The following CDC14B variants were observed in gnomAD, a reference collection of about 807,000 sequenced individuals.
CDC14B encodes dual specificity protein phosphatase CDC14B.
CDC14B carries 22 observed loss-of-function variants against 64.2 expected under a neutral mutation model. The ratio of observed to expected loss-of-function variants is 0.34; its 90% CI spans 0.24 to 0.49. The LOEUF (loss-of-function observed/expected upper bound fraction) is 0.49. CDC14B is among the 20% of genes least tolerant of loss of function. The probability of loss-of-function intolerance (pLI) is 0.99; values close to 1 mark genes in which losing one functional copy is unlikely to be tolerated. For synonymous variants in CDC14B, 191 were observed against 215.8 expected (o/e 0.89, Z 1.01); for missense variants, 498 against 629.9 (o/e 0.79, Z 2.24).
chr9:96,612,028 A>C (rs554294990), intron 1 of CDC14B, among the ~76,000 whole-genome samples: 33 of 152,368 alleles, frequency 2.2e-4, no homozygotes, highest in African/African-American at 7.9e-4. Context: ...TATAATAAAA[A>C]TACATAACAA....
At chr9:96,520,004 TAAC>T (rs1836430688) in intron 12 of CDC14B, among the ~76,000 whole-genome samples, 1 of 152,136 alleles carries the variant, frequency 6.6e-6, no homozygotes, top group Non-Finnish European at 1.5e-5. Flanking sequence ...ATTCCTAAAA[TAAC>T]AACATAGACA....
In CDC14B at chr9:96,604,452, C is replaced by T. The variant is rs904259422; in HGVS notation, c.160+14767G>A. Among the ~76,000 whole-genome samples the T allele has an allele frequency of 7.3e-5, 11 of 150,884 alleles. 1 individual carries two copies. Among genetic ancestry groups the T allele is most frequent in the Non-Finnish European group, 1.3e-4 (9 of 67,792 alleles). On this transcript the variant is annotated intron_variant, in intron 1 of 13. Coordinates refer to ENST00000375241, the MANE Select transcript of CDC14B (RefSeq NM_033331.4). ...CTGGAGTGCAATGGTGCCATCTTGG[C>T]TCACCACAACCTCCGCCTCCCGGGA...
chr9:96,517,025 C>G lies in CDC14B; in HGVS notation c.1343+5481G>C, dbSNP rs569685250. ...CTGGTCTTGAACTCCTGACCTCACC[C>G]TGCCTCTTTTTTATTTTTAAGAAAC... On this transcript the variant is annotated intron_variant, in intron 12 of 13. Coordinates refer to ENST00000375241, the MANE Select transcript of CDC14B (RefSeq NM_033331.4). Among the ~76,000 whole-genome samples, 4 of 151,890 alleles carry G rather than the reference C, an allele frequency of 2.6e-5. No homozygotes were observed. In the South Asian group the frequency reaches 8.3e-4, roughly 32 times the overall value.
chr9:96,559,084 T>C (rs1587963857), intron 4 of CDC14B, among the ~76,000 whole-genome samples: 1 of 152,234 alleles, frequency 6.6e-6, no homozygotes. Flanking sequence ...AAAAGACCAA[T>C]TGTGGGCATG....
intron 13 of CDC14B, among the ~76,000 whole-genome samples, chr9:96,495,035 C>G (rs1340983563): frequency 6.6e-6 from 1 of 151,770 alleles, no homozygotes. Context: ...GGGGTTTCAC[C>G]GTGTTAGCCA....
chr9:96,549,616 G>C (rs866312942), intron 5 of CDC14B, among the ~76,000 whole-genome samples: 6 of 151,510 alleles, frequency 4.0e-5, no homozygotes, highest in African/African-American at 1.5e-4. Flanking sequence ...AGTGAGTCCA[G>C]ATTGCACCAC....
In CDC14B at chr9:96,533,860, T is replaced by C. The variant is rs10118928; in HGVS notation, c.946+67A>G. On this transcript the variant is annotated intron_variant, in intron 9 of 13. Coordinates refer to ENST00000375241, the MANE Select transcript of CDC14B (RefSeq NM_033331.4). ...TTCTGACACATAAACTAAATGAATA[T>C]GGTCTGTTTCTACATATTCATATAC... 0.016 allele frequency: 14,946 copies of C among 934,564 alleles called. 1,374 individuals are homozygous for C. In the African/African-American group the frequency reaches 0.21, roughly 13 times the overall value. The allele number at this position is 934,564 out of a possible 1,614,324, so 57.9% of individuals were successfully genotyped here. A position where few individuals can be genotyped will look rare whatever the true frequency, so the allele number is the denominator to read the frequency against.
chr9:96,559,795 C>T (rs1014831010), intron 4 of CDC14B, among the ~76,000 whole-genome samples: 1 of 152,164 alleles, frequency 6.6e-6, no homozygotes, highest in Non-Finnish European at 1.5e-5. Context: ...TTACCTGGCA[C>T]TTCCCTAACC....
intron 1 of CDC14B, among the ~76,000 whole-genome samples, chr9:96,583,784 T>C (rs1032552732): frequency 3.3e-5 from 5 of 152,054 alleles, no homozygotes. Context: ...AGTGGCGCGA[T>C]CTAGGCTCCC....
Position 96,515,832 on chromosome 9 carries a change from G to A in CDC14B, c.1344-6043C>T, listed in dbSNP as rs1213444637. 2 of 1,525,470 alleles carry A rather than the reference G, an allele frequency of 1.3e-6. No individual in the cohort carries two copies. Among genetic ancestry groups the A allele is most frequent in the Non-Finnish European group, 1.8e-6 (2 of 1,133,230 alleles). The allele number at this position is 1,525,470 out of a possible 1,614,324, so 94.5% of individuals were successfully genotyped here. Reference sequence around the variant, plus strand: ...AGGGGAAAGAACAGATGTTCAAATTGGGAAGCCAAAATAAATTACGCAATC... The same window carrying A: ...AGGGGAAAGAACAGATGTTCAAATTAGGAAGCCAAAATAAATTACGCAATC... On this transcript the variant is annotated intron_variant, in intron 12 of 13. Transcript: ENST00000375241. This position sits in a 1 kb window ranked among gnomAD's most constrained non-coding sequence, Gnocchi z 4.3.
At chr9:96,523,554 C>A (rs1837093774) in intron 10 of CDC14B, 33 bp downstream of exon 10, 1 of 1,613,380 alleles carries the variant, frequency 6.2e-7, no homozygotes, top group South Asian at 1.1e-5. Flanking sequence ...CCCACATGTT[C>A]CCTGGGAACT....
Position 96,527,984 on chromosome 9 carries a change from CT to C in CDC14B, c.947-4260del, listed in dbSNP as rs1235809270. Among the ~76,000 whole-genome samples the C allele has an allele frequency of 5.9e-5, 9 of 152,330 alleles. No individual in the cohort carries two copies. The East Asian group carries it at 1.7e-3, about 29-fold the overall frequency. Reference sequence around the variant, plus strand: ...TCAGGCCCTGGCAACCACCAATCTACTTTCTCTTACCCCAAGTATCTCATAC... The same window carrying C: ...TCAGGCCCTGGCAACCACCAATCTACTTCTCTTACCCCAAGTATCTCATAC... On this transcript the variant is annotated intron_variant, in intron 9 of 13. Transcript: ENST00000375241.
chr9:96,535,246 G>A (rs909574769), intron 7 of CDC14B, among the ~76,000 whole-genome samples: 8 of 152,148 alleles, frequency 5.3e-5, no homozygotes, highest in African/African-American at 1.9e-4. Context: ...GGCGGAAGTT[G>A]TAGTGAGCCG....
chr9:96,590,653 T>TG (rs1309592713), intron 1 of CDC14B, among the ~76,000 whole-genome samples: 4 of 151,972 alleles, frequency 2.6e-5, no homozygotes, highest in African/African-American at 9.7e-5. Flanking sequence ...TTTCCTGGTT[T>TG]TTTTTTTTTT....
chr9:96,527,710 G>T (rs1353552066), intron 9 of CDC14B, among the ~76,000 whole-genome samples: 13 of 151,902 alleles, frequency 8.6e-5, no homozygotes, highest in Admixed American at 8.5e-4. Context: ...CCACCTCCCG[G>T]GTTCACGCCC....
At chr9:96,611,032 C>A (rs1453494474) in intron 1 of CDC14B, among the ~76,000 whole-genome samples, 1 of 151,028 alleles carries the variant, frequency 6.6e-6, no homozygotes, top group Non-Finnish European at 1.5e-5. Flanking sequence ...TATAAAAGAA[C>A]TGCAAAGTAG....
intron 12 of CDC14B, among the ~76,000 whole-genome samples, chr9:96,518,790 A>C (rs1377745010): frequency 1.3e-5 from 2 of 152,184 alleles, no homozygotes; most frequent in African/African-American, 4.8e-5. Context: ...CGAATGTCCA[A>C]GTGTCAGCAT....
chr9:96,616,800 CAAT>C (rs1447911973), intron 1 of CDC14B, among the ~76,000 whole-genome samples: 1 of 151,418 alleles, frequency 6.6e-6, no homozygotes, highest in African/African-American at 2.4e-5. Context: ...ATTAAGAAAA[CAAT>C]AATGGAGGGA....
At chr9:96,565,288 T>C (rs1843749544) in intron 2 of CDC14B, 105 bp downstream of exon 2, 1 of 672,774 alleles carries the variant, frequency 1.5e-6, no homozygotes. Context: ...ATCCTGTAAT[T>C]AGCAATCAAT....
Sources: allele counts gnomAD v4.1 joint callset (sites outside exome capture counted in the v4.1 genomes callset), GRCh38; gene constraint gnomAD v4.1.1; non-coding constraint Gnocchi (gnomAD v3.1); transcripts MANE v1.5; gene names NCBI Gene and HGNC (gene_info 2026-07-23, HGNC 2026-07-21).